The following CCDC187 variants were observed in gnomAD, a reference collection of about 807,000 sequenced individuals.
CCDC187 encodes coiled-coil domain-containing protein 187.
Under a neutral mutation model 38.0 loss-of-function variants are expected in CCDC187, and 32 were observed. That is an observed-to-expected ratio of 0.84 (90% CI 0.64 to 1.13). CCDC187 has a LOEUF of 1.13. Ranked by LOEUF, CCDC187 falls within the 50% of genes most tolerant of loss-of-function variation. CCDC187 has a pLI of 0.00. For missense variants in CCDC187, 707 were observed against 786.8 expected, an observed-to-expected ratio of 0.90 and a Z score of 1.21; for synonymous variants, 333 against 347.9, an observed-to-expected ratio of 0.96 and a Z score of 0.48.
chr9:136,300,343 G>C (rs1236792089), intron 2 of CCDC187, 25 bp from the exon 3 acceptor site: 2 of 398,566 alleles, frequency 5.0e-6, no homozygotes, highest in South Asian at 2.5e-4. Context: ...AAAGAAGAAG[G>C]CAGCGTGAGA....
chr9:136,278,994 T>A (rs1054461595), intron 10 of CCDC187, among the ~76,000 whole-genome samples: 1 of 152,242 alleles, frequency 6.6e-6, no homozygotes, highest in Non-Finnish European at 1.5e-5. Flanking sequence ...ACAGAGCTAG[T>A]CTACATGTTT....
rs900754909 is a variant in CCDC187 at position 136,287,884 on chromosome 9, T to A, written c.2223-1189A>T. Among the ~76,000 whole-genome samples, 657 of 152,090 alleles carry A rather than the reference T, an allele frequency of 4.3e-3. 5 individuals are homozygous for A. The highest frequency in any genetic ancestry group is 0.017 in the Middle Eastern group (5 of 294). ...TGAAGAGTTCTGGAGAAAATAGAGA[T>A]AGGGTCTCACTATGTTGTCCAGGCC... On this transcript the variant is annotated intron_variant, in intron 7 of 25. Transcript: ENST00000638797.
intron 14 of CCDC187, among the ~76,000 whole-genome samples, chr9:136,270,991 AT>A (rs1830830621): frequency 6.6e-6 from 1 of 152,210 alleles, no homozygotes; most frequent in Non-Finnish European, 1.5e-5. Context: ...TCTATATCTA[AT>A]TTGTAATATA....
chr9:136,285,999 C>G (rs1370581876), intron 8 of CCDC187, 86 bp downstream of exon 8: 4 of 397,568 alleles, frequency 1.0e-5, no homozygotes, highest in Non-Finnish European at 1.8e-5. Flanking sequence ...AACCAAGGCT[C>G]AGAGAGAAAA....
In CCDC187 at chr9:136,254,441, C is replaced by G; in HGVS notation, c.5387G>C (p.Gly1796Ala). ...GGGAGGAGCCACCTGGGGCTCCACG[C>G]CGCTTCCAAGGCCCAGTGAGCCACC... ...PAGGSLGLGS[G>A]VEPQVAPPSP... is the part of the protein sequence containing the mutation. The change falls in exon 26 of 26, where the codon GGC (glycine) becomes GCC (alanine). Residue 1796 changes from glycine (G) to alanine (A), a missense_variant. Gly to Ala is a moderately conservative substitution (Grantham distance 60). Coordinates refer to ENST00000638797, the MANE Select transcript of CCDC187 (RefSeq NM_001378188.1). 1 of 985,410 alleles carries G rather than the reference C, an allele frequency of 1.0e-6. No individual in the cohort carries two copies. The highest frequency in any genetic ancestry group is 1.2e-6 in the Non-Finnish European group (1 of 829,952). 61.0% of individuals were successfully genotyped at this position (985,410 alleles called of 1,614,324 possible).
chr9:136,300,955 C>T (rs1268481868), intron 2 of CCDC187, among the ~76,000 whole-genome samples: 1 of 152,208 alleles, frequency 6.6e-6, no homozygotes, highest in Non-Finnish European at 1.5e-5. Flanking sequence ...AGAATGCATC[C>T]AGTGGGGCCA....
chr9:136,283,679 G>A (rs1191586422), intron 9 of CCDC187, among the ~76,000 whole-genome samples: 2 of 152,224 alleles, frequency 1.3e-5, no homozygotes, highest in African/African-American at 4.8e-5. Flanking sequence ...CCGCACCTCT[G>A]CCCCTCTGGC....
rs1435446253 is a variant in CCDC187, at chr9:136,303,195, C to T, written c.242G>A (p.Gly81Glu). Reference protein sequence around the residue: ...DPPWAAPHVVGSDDLKEPGPW... With the variant: ...DPPWAAPHVVESDDLKEPGPW... ...TCCTGGTTCCTTGAGGTCGTCAGAC[C>T]CGACCACGTGGGGAGCTGCCCAGGG... Residue 81 changes from glycine to glutamate, a missense_variant, in exon 2 of 26, where the codon GGG becomes GAG. Physicochemically the swap from Gly to Glu is moderately conservative, Grantham distance 98. Transcript: ENST00000638797. 1.0e-5 allele frequency: 4 copies of T among 398,576 alleles called. No homozygotes were observed. The highest frequency in any genetic ancestry group is 1.3e-5 in the Non-Finnish European group (3 of 226,088). 24.7% of individuals were successfully genotyped at this position (398,576 alleles called of 1,614,324 possible).
chr9:136,292,143 T>C lies in CCDC187; in HGVS notation c.967+18A>G, dbSNP rs1831346581. 2.5e-6 allele frequency: 1 copy of C among 398,624 alleles called. No individual in the cohort carries two copies. The highest frequency in any genetic ancestry group is 4.4e-5 in the Admixed American group (1 of 22,734). 24.7% of individuals were successfully genotyped at this position (398,624 alleles called of 1,614,324 possible). On this transcript the variant is annotated intron_variant, in intron 5 of 25. Coordinates refer to ENST00000638797, the MANE Select transcript of CCDC187 (RefSeq NM_001378188.1). ...CCACAGCAGAGCAGGACAGAGCCCA[T>C]GGCAGAGGCACAGGTACCTAAGTCC...
Position 136,258,837 on chromosome 9 carries a change from C to T in CCDC187, c.4366+95G>A. 1 of 985,532 alleles carries T rather than the reference C, an allele frequency of 1.0e-6. No individual in the cohort carries two copies. Among genetic ancestry groups the T allele is most frequent in the Non-Finnish European group, 1.2e-6 (1 of 830,016 alleles). 61.0% of individuals were successfully genotyped at this position (985,532 alleles called of 1,614,324 possible). A position where few individuals can be genotyped will look rare whatever the true frequency, so the allele number is the denominator to read the frequency against. Reference sequence around the variant, plus strand: ...CATCTTCTTTGCTTTCCGTCCTTGTCCAGTGGCTGAGCTCCAGCCTCGGAC... The same window carrying T: ...CATCTTCTTTGCTTTCCGTCCTTGTTCAGTGGCTGAGCTCCAGCCTCGGAC... On this transcript the variant is annotated intron_variant, in intron 22 of 25. Coordinates refer to ENST00000638797, the MANE Select transcript of CCDC187 (RefSeq NM_001378188.1). The surrounding 1 kb of genome is among the most constrained non-coding windows in gnomAD (Gnocchi z 4.3).
Position 136,300,336 on chromosome 9 carries a change from G to C in CCDC187, c.626-18C>G. On this transcript the variant is annotated intron_variant, in intron 2 of 25. Coordinates refer to ENST00000638797, the MANE Select transcript of CCDC187 (RefSeq NM_001378188.1). ...GCTGAAACCTGGAACAGGGTGAAAAGAAGAAGGCAGCGTGAGAAGAGAGAT... is the reference window on the plus strand; with the variant it reads ...GCTGAAACCTGGAACAGGGTGAAAACAAGAAGGCAGCGTGAGAAGAGAGAT... 2.5e-6 allele frequency: 1 copy of C among 398,598 alleles called. No individual in the cohort carries two copies. The highest frequency in any genetic ancestry group is 3.6e-5 in the East Asian group (1 of 28,080). 24.7% of individuals were successfully genotyped at this position (398,598 alleles called of 1,614,324 possible).
rs1204241065 is a variant in CCDC187, at chr9:136,264,884, T to G, written c.3735+1072A>C. ...AATCCTCCCATCTCAGTCCACCAAATAGCTGGGACTATAGGCATTGGCCAC... is the reference window on the plus strand; with the variant it reads ...AATCCTCCCATCTCAGTCCACCAAAGAGCTGGGACTATAGGCATTGGCCAC... On this transcript the variant is annotated intron_variant, in intron 17 of 25. Coordinates refer to ENST00000638797, the MANE Select transcript of CCDC187 (RefSeq NM_001378188.1). This position sits in a 1 kb window ranked among gnomAD's most constrained non-coding sequence, Gnocchi z 4.3. Among the ~76,000 whole-genome samples, 1 of 152,034 alleles carries G rather than the reference T, an allele frequency of 6.6e-6. No homozygotes were observed. Among genetic ancestry groups the G allele is most frequent in the African/African-American group, 2.4e-5 (1 of 41,404 alleles).
intron 6 of CCDC187, 45 bp from the exon 7 acceptor site, chr9:136,290,098 C>A: frequency 2.5e-6 from 1 of 398,672 alleles, no homozygotes; most frequent in Non-Finnish European, 4.4e-6. Context: ...CTCGGGAAGA[C>A]CACACGCCCC....
intron 2 of CCDC187, among the ~76,000 whole-genome samples, chr9:136,302,184 T>A (rs893974720): frequency 0.017 from 2,533 of 151,960 alleles, 81 homozygotes; most frequent in African/African-American, 0.058. Flanking sequence ...CGAGACTCCA[T>A]CTCAAAAAAA....
At chr9:136,265,664 G>A (rs1466612598) in intron 17 of CCDC187, 4 of 152,338 alleles carry the variant, frequency 2.6e-5, no homozygotes, top group Non-Finnish European at 5.9e-5. Context: ...AAAAGGCTGA[G>A]CCTGGTCTGG....
intron 7 of CCDC187, among the ~76,000 whole-genome samples, chr9:136,287,174 C>T (rs1461666884): frequency 6.6e-6 from 1 of 152,212 alleles, no homozygotes; most frequent in Admixed American, 6.5e-5. Flanking sequence ...GAATAGTATT[C>T]AGCCCTGAAA....
Position 136,250,783 on chromosome 9 carries a change from CCGG to C in CCDC187, c.*2808_*2810del, listed in dbSNP as rs1198314908. ...TGGTGAATGGGGACCCTGACACAGGCCGGCCATTGTTAACGGCACCTGGGGCTA... is the reference window on the plus strand; with the variant it reads ...TGGTGAATGGGGACCCTGACACAGGCCCATTGTTAACGGCACCTGGGGCTA... On this transcript the variant is annotated 3_prime_UTR_variant, in exon 26 of 26. Coordinates refer to ENST00000638797, the MANE Select transcript of CCDC187 (RefSeq NM_001378188.1). 1 of 456,288 alleles carries C rather than the reference CCGG, an allele frequency of 2.2e-6. No homozygotes were observed. The highest frequency in any genetic ancestry group is 2.3e-5 in the Admixed American group (1 of 42,590). 28.3% of individuals were successfully genotyped at this position (456,288 alleles called of 1,614,324 possible).
chr9:136,270,877 A>C (rs1376404360), intron 14 of CCDC187, among the ~76,000 whole-genome samples: 2 of 152,156 alleles, frequency 1.3e-5, no homozygotes, highest in African/African-American at 4.8e-5. Flanking sequence ...TGCTATACCC[A>C]CCGGTTATCC....
In CCDC187 at chr9:136,286,192, A is replaced by AGGGGCT; in HGVS notation, c.2720_2725dup (p.Gln907_Pro908dup). On this transcript the variant is annotated inframe_insertion, in exon 8 of 26. Transcript: ENST00000638797. The stretch of plus-strand genomic sequence containing the variant: ...GTCCAGGAAGTAGGTCGGGGGCAGA[A>AGGGGCT]GGGGCTGGGGCTGCATGCTCACCCA... 1 of 398,576 alleles carries AGGGGCT rather than the reference A, an allele frequency of 2.5e-6. No homozygotes were observed. Among genetic ancestry groups the AGGGGCT allele is most frequent in the East Asian group, 3.6e-5 (1 of 28,072 alleles). 24.7% of individuals were successfully genotyped at this position (398,576 alleles called of 1,614,324 possible). A position where few individuals can be genotyped will look rare whatever the true frequency, so the allele number is the denominator to read the frequency against.
Sources: allele counts gnomAD v4.1 joint callset (sites outside exome capture counted in the v4.1 genomes callset), GRCh38; gene constraint gnomAD v4.1.1; non-coding constraint Gnocchi (gnomAD v3.1); transcripts MANE v1.5; gene names NCBI Gene and HGNC (gene_info 2026-07-23, HGNC 2026-07-21).